Variants in GOLT1B observed in about 807,000 individuals in gnomAD.
The protein encoded by GOLT1B is vesicle transport protein GOT1B.
GOLT1B carries 3 observed loss-of-function variants against 15.4 expected under a neutral mutation model. The observed-to-expected ratio is 0.19, with a 90% CI of 0.09 to 0.50. The LOEUF is 0.50. Ranked by LOEUF, GOLT1B falls within the 20% of genes least tolerant of loss-of-function variation. The pLI, the probability that GOLT1B is intolerant of heterozygous loss-of-function variation, is 0.97. For missense variants in GOLT1B, 145 were observed against 160.4 expected, an observed-to-expected ratio of 0.90 and a Z score of 0.52; for synonymous variants, 65 against 56.2, an observed-to-expected ratio of 1.16 and a Z score of -0.70.
In GOLT1B at chr12:21,517,844, G is replaced by A. The variant is rs1943767403; in HGVS notation, c.*2137G>A. ...GATGAGACTATTTTTAAACATACTA[G>A]TCTGCTGATAGAAAGCACTATACAT... On this transcript the variant is annotated 3_prime_UTR_variant, in exon 5 of 5. Transcript: ENST00000229314. 6.6e-6 allele frequency: 1 copy of A among 152,436 alleles called. No individual in the cohort carries two copies. Among genetic ancestry groups the A allele is most frequent in the Non-Finnish European group, 1.5e-5 (1 of 67,916 alleles). 9.4% of individuals were successfully genotyped at this position (152,436 alleles called of 1,614,324 possible). A position where few individuals can be genotyped will look rare whatever the true frequency, so the allele number is the denominator to read the frequency against.
At chr12:21,506,791 T>C in intron 1 of GOLT1B, 94 bp from the exon 2 acceptor site, 1 of 589,816 alleles carries the variant, frequency 1.7e-6, no homozygotes, top group South Asian at 2.5e-5. Context: ...TTCTTATACC[T>C]ATGAAAGGAA....
intron 1 of GOLT1B, chr12:21,504,683 A>G (rs1943666876): frequency 4.3e-6 from 2 of 461,848 alleles, no homozygotes; most frequent in Non-Finnish European, 8.7e-6. Context: ...GGTTGCACAT[A>G]TGAACCATAG....
intron 2 of GOLT1B, chr12:21,508,137 T>C: frequency 6.5e-6 from 3 of 461,762 alleles, no homozygotes; most frequent in Middle Eastern, 6.3e-4. Context: ...TTTGTTTCTC[T>C]TTTTCTCCAT....
chr12:21,506,951 A>G lies in GOLT1B; in HGVS notation c.92A>G (p.Asp31Gly). 1 of 1,421,504 alleles carries G rather than the reference A, an allele frequency of 7.0e-7. No individual in the cohort carries two copies. Among genetic ancestry groups the G allele is most frequent in the South Asian group, 1.2e-5 (1 of 85,716 alleles). 88.1% of individuals were successfully genotyped at this position (1,421,504 alleles called of 1,614,324 possible). Residue 31 changes from aspartate (D) to glycine (G), a missense_variant, in exon 2 of 5, where the codon GAC becomes GGC. Asp to Gly is a moderately conservative substitution (Grantham distance 94). Transcript: ENST00000229314. The stretch of plus-strand genomic sequence containing the variant: ...TTCTTTGGAATGATTCTCTTTTTTG[A>G]CAAAGCACTACTGGCTATTGGAAAT... ...FLFFGMILFFDKALLAIGNVL... is the reference protein window; with the variant it reads ...FLFFGMILFFGKALLAIGNVL...
chr12:21,514,258 T>G lies in GOLT1B; in HGVS notation c.379-1411T>G, dbSNP rs1250940498. 2.6e-5 allele frequency among the ~76,000 whole-genome samples: 4 copies of G among 152,180 alleles called. No individual in the cohort carries two copies. The East Asian group carries it at 7.7e-4, about 29-fold the overall frequency. On this transcript the variant is annotated intron_variant, in intron 4 of 4. Transcript: ENST00000229314. ...TAGGAAAACTTAAAAGACTACAAGT[T>G]CCAGTTAGGTTCAGGGAAGTTAATC...
Position 21,501,849 on chromosome 12 carries a change from C to G in GOLT1B, c.-75C>G. ...GGCTCTCGCCTGGGCTGTTTCCCGG[C>G]TTCATTTCTCCCGACTCAGCTTCCC... On this transcript the variant is annotated 5_prime_UTR_variant, in exon 1 of 5. Coordinates refer to ENST00000229314, the MANE Select transcript of GOLT1B (RefSeq NM_016072.5). 1 of 1,049,036 alleles carries G rather than the reference C, an allele frequency of 9.5e-7. No homozygotes were observed. The highest frequency in any genetic ancestry group is 1.5e-6 in the Non-Finnish European group (1 of 673,378). The allele number at this position is 1,049,036 out of a possible 1,614,324, so 65.0% of individuals were successfully genotyped here. A position where few individuals can be genotyped will look rare whatever the true frequency, so the allele number is the denominator to read the frequency against.
In GOLT1B at chr12:21,501,908, C is replaced by T; in HGVS notation, c.-16C>T. The T allele has an allele frequency of 1.3e-6, 2 of 1,598,268 alleles. No individual in the cohort carries two copies. Among genetic ancestry groups the T allele is most frequent in the Non-Finnish European group, 1.7e-6 (2 of 1,165,688 alleles). On this transcript the variant is annotated 5_prime_UTR_variant, in exon 1 of 5. Coordinates refer to ENST00000229314, the MANE Select transcript of GOLT1B (RefSeq NM_016072.5). ...CTTTCCGAGGTGCTGTCGCCGCTGT[C>T]CCCACCACTGCAGCCATGATCTCCT...
Position 21,517,320 on chromosome 12 carries a change from G to A in GOLT1B, c.*1613G>A, listed in dbSNP as rs1265517409. ...ACTTACGATGTATCTGTGAAAATGG[G>A]ATGATATTGACAAATGGAGACTCCT... On this transcript the variant is annotated 3_prime_UTR_variant, in exon 5 of 5. Transcript: ENST00000229314. The A allele has an allele frequency of 6.6e-6, 1 of 152,382 alleles. No homozygotes were observed. Among genetic ancestry groups the A allele is most frequent in the Non-Finnish European group, 1.5e-5 (1 of 67,856 alleles). The allele number at this position is 152,382 out of a possible 1,614,324, so 9.4% of individuals were successfully genotyped here.
At position 21,517,215 on chromosome 12, in the gene GOLT1B, T is replaced by C. The variant is rs1460101293; in HGVS notation, c.*1508T>C. On this transcript the variant is annotated 3_prime_UTR_variant, in exon 5 of 5. Transcript: ENST00000229314. ...ATACACAGAGAACTCCCAATCTTGC[T>C]CATCTAAATAAGGAAAGACTTGGTG... 6.6e-6 allele frequency: 1 copy of C among 152,470 alleles called. No individual in the cohort carries two copies. The highest frequency in any genetic ancestry group is 2.4e-5 in the African/African-American group (1 of 41,448). 9.4% of individuals were successfully genotyped at this position (152,470 alleles called of 1,614,324 possible).
chr12:21,508,295 T>C, intron 2 of GOLT1B, 88 bp from the exon 3 acceptor site: 1 of 810,232 alleles, frequency 1.2e-6, no homozygotes, highest in Non-Finnish European at 1.9e-6. Flanking sequence ...ATGTGCTTCT[T>C]TTTTTATATT....
At chr12:21,510,988 A>G (rs1325014634) in intron 3 of GOLT1B, among the ~76,000 whole-genome samples, 1 of 152,212 alleles carries the variant, frequency 6.6e-6, no homozygotes, top group African/African-American at 2.4e-5. Flanking sequence ...GCAATCAGTT[A>G]GTTGTCTGCA....
Position 21,514,789 on chromosome 12 carries a change from A to G in GOLT1B, c.379-880A>G, listed in dbSNP as rs1007482688. On this transcript the variant is annotated intron_variant, in intron 4 of 4. Coordinates refer to ENST00000229314, the MANE Select transcript of GOLT1B (RefSeq NM_016072.5). The stretch of plus-strand genomic sequence containing the variant: ...AATTTAAGGATTCTCAAGAATTTGC[A>G]TAAATGGACACCCAATACAATAGAA... Among the ~76,000 whole-genome samples, 6 of 152,308 alleles carry G rather than the reference A, an allele frequency of 3.9e-5. No homozygotes were observed. The South Asian group carries it at 1.0e-3, about 26-fold the overall frequency.
At position 21,504,728 on chromosome 12, in the gene GOLT1B, A is replaced by C. The variant is rs1943667302; in HGVS notation, c.26-2157A>C. The C allele has an allele frequency of 5.4e-5, 21 of 386,868 alleles. 1 individual carries two copies. The highest frequency in any genetic ancestry group is 3.8e-4 in the South Asian group (21 of 55,268). 24.0% of individuals were successfully genotyped at this position (386,868 alleles called of 1,614,324 possible). A position where few individuals can be genotyped will look rare whatever the true frequency, so the allele number is the denominator to read the frequency against. On this transcript the variant is annotated intron_variant, in intron 1 of 4. Transcript: ENST00000229314. Reference sequence around the variant, plus strand: ...TACCTTTTACCTCACAATTTTGTTAAAGAAATTATAAAATTTTTGTATAAA... The same window carrying C: ...TACCTTTTACCTCACAATTTTGTTACAGAAATTATAAAATTTTTGTATAAA...
intron 3 of GOLT1B, among the ~76,000 whole-genome samples, chr12:21,511,879 A>G (rs1242057410): frequency 6.6e-6 from 1 of 152,244 alleles, no homozygotes; most frequent in Admixed American, 6.5e-5. Flanking sequence ...CCAAGAAAGA[A>G]TGAGACATAC....
chr12:21,506,855 C>G (rs921074205), intron 1 of GOLT1B, 30 bp from the exon 2 acceptor site: 3 of 914,996 alleles, frequency 3.3e-6, no homozygotes, highest in Admixed American at 4.4e-5. Flanking sequence ...TAATTTTTCT[C>G]TACCCTTAAC....
intron 4 of GOLT1B, among the ~76,000 whole-genome samples, chr12:21,513,641 A>G (rs1943736031): frequency 6.6e-6 from 1 of 151,918 alleles, no homozygotes. Context: ...TCAAAAAAAA[A>G]AGGCTTCAGG....
intron 3 of GOLT1B, among the ~76,000 whole-genome samples, chr12:21,509,131 G>A (rs1943700900): frequency 1.3e-5 from 2 of 152,148 alleles, no homozygotes; most frequent in South Asian, 2.1e-4. Flanking sequence ...AGGTGCGGTG[G>A]CTCACACCTG....
In GOLT1B at chr12:21,501,818, C is replaced by A; in HGVS notation, c.-106C>A. On this transcript the variant is annotated 5_prime_UTR_variant, in exon 1 of 5. Transcript: ENST00000229314. The stretch of plus-strand genomic sequence containing the variant: ...AGGGTGGCTGCGTGTTTCCGGAAGA[C>A]GTGGCGGCTCTCGCCTGGGCTGTTT... The A allele has an allele frequency of 1.3e-6, 1 of 779,070 alleles. No individual in the cohort carries two copies. The highest frequency in any genetic ancestry group is 1.5e-5 in the South Asian group (1 of 68,400). 48.3% of individuals were successfully genotyped at this position (779,070 alleles called of 1,614,324 possible).
chr12:21,502,050 G>C, intron 1 of GOLT1B, 102 bp downstream of exon 1: 2 of 857,728 alleles, frequency 2.3e-6, no homozygotes, highest in Non-Finnish European at 4.0e-6. Flanking sequence ...TCTGGGTTGG[G>C]GGCGGTGGCC....
Sources: gnomAD v4.1 joint callset for allele counts (sites outside exome capture counted in the v4.1 genomes callset) on GRCh38, gnomAD v4.1.1 for gene constraint, MANE v1.5 for transcripts, NCBI Gene and HGNC (gene_info 2026-07-23, HGNC 2026-07-21) for gene names.